SUFU: variants seen among roughly 807,000 people sequenced by gnomAD.
The protein encoded by SUFU is SUFU negative regulator of hedgehog signaling, also known as suppressor of fused homolog.
Under a neutral mutation model 58.9 loss-of-function variants are expected in SUFU, and 7 were observed. The observed-to-expected ratio is 0.12, with a 90% CI of 0.07 to 0.22. The LOEUF is 0.22. Ranked by LOEUF, SUFU falls within the 10% of genes least tolerant of loss-of-function variation. The pLI, the probability that SUFU is intolerant of heterozygous loss-of-function variation, is 1.00. For synonymous variants in SUFU, 232 were observed against 254.8 expected, an observed-to-expected ratio of 0.91 and a Z score of 0.85; for missense variants, 451 against 641.3, an observed-to-expected ratio of 0.70 and a Z score of 3.20.
chr10:102,625,874 C>T lies in SUFU; in HGVS notation c.1297-1301C>T, dbSNP rs190608277. 5.4e-4 allele frequency among the ~76,000 whole-genome samples: 82 copies of T among 152,348 alleles called. No individual in the cohort carries two copies. The highest frequency in any genetic ancestry group is 1.9e-3 in the African/African-American group (78 of 41,580). ...CTCACCTTCCTGTGTGCACTCCTTCCTTGTTATCTCACAGCGTGGAAACTT... is the reference window on the plus strand; with the variant it reads ...CTCACCTTCCTGTGTGCACTCCTTCTTTGTTATCTCACAGCGTGGAAACTT... On this transcript the variant is annotated intron_variant, in intron 10 of 11. Coordinates refer to ENST00000369902, the MANE Select transcript of SUFU (RefSeq NM_016169.4). This position sits in a 1 kb window ranked among gnomAD's most constrained non-coding sequence, Gnocchi z 4.7.
intron 3 of SUFU, among the ~76,000 whole-genome samples, chr10:102,551,430 G>T (rs2135746751): frequency 6.6e-6 from 1 of 152,154 alleles, no homozygotes; most frequent in South Asian, 2.1e-4. Flanking sequence ...CTGAGGTCAG[G>T]AGTTCGAGAC....
intron 2 of SUFU, among the ~76,000 whole-genome samples, chr10:102,539,144 C>G (rs1045533102): frequency 6.6e-6 from 1 of 152,206 alleles, no homozygotes; most frequent in African/African-American, 2.4e-5. Context: ...GGTCACCCTG[C>G]TTCAGTGACT....
intron 2 of SUFU, among the ~76,000 whole-genome samples, chr10:102,512,272 G>A (rs906110209): frequency 6.6e-6 from 1 of 152,204 alleles, no homozygotes; most frequent in African/African-American, 2.4e-5. Context: ...AGATAGAATA[G>A]CAAACAGATG....
At chr10:102,615,862 T>C (rs913942045) in intron 9 of SUFU, among the ~76,000 whole-genome samples, 1 of 152,130 alleles carries the variant, frequency 6.6e-6, no homozygotes, top group Non-Finnish European at 1.5e-5. Flanking sequence ...TGGTCTCCTA[T>C]TGCTTGTTTG....
Position 102,619,161 on chromosome 10 carries a change from A to G in SUFU, c.1296+1733A>G. ...AGCATCTCCAATTTTCAGCAGCTCAAGAACCTTGGCCCCCACAGGACTTCG... is the reference window on the plus strand; with the variant it reads ...AGCATCTCCAATTTTCAGCAGCTCAGGAACCTTGGCCCCCACAGGACTTCG... On this transcript the variant is annotated intron_variant, in intron 10 of 11. Coordinates refer to ENST00000369902, the MANE Select transcript of SUFU (RefSeq NM_016169.4). The surrounding 1 kb of genome is among the most constrained non-coding windows in gnomAD (Gnocchi z 4.2). 1.2e-6 allele frequency: 2 copies of G among 1,611,168 alleles called. 1 individual carries two copies. The highest frequency in any genetic ancestry group is 3.3e-4 in the Middle Eastern group (2 of 6,058).
At chr10:102,561,614 T>C (rs1181821724) in intron 3 of SUFU, among the ~76,000 whole-genome samples, 1 of 151,606 alleles carries the variant, frequency 6.6e-6, no homozygotes, top group Non-Finnish European at 1.5e-5. Flanking sequence ...GCCAGAGAGA[T>C]TGGTTCATAC....
chr10:102,539,229 T>C (rs1314008028), intron 2 of SUFU, among the ~76,000 whole-genome samples: 1 of 152,236 alleles, frequency 6.6e-6, no homozygotes, highest in East Asian at 1.9e-4. Flanking sequence ...TTTCTGTTTT[T>C]CATGACCTTT....
In SUFU at chr10:102,568,954, A is replaced by C. The variant is rs866948544; in HGVS notation, c.454+18848A>C. Among the ~76,000 whole-genome samples, 324 of 104,068 alleles carry C rather than the reference A, an allele frequency of 3.1e-3. 7 individuals are homozygous for C. The highest frequency in any genetic ancestry group is 0.012 in the African/African-American group (313 of 26,404). 68.3% of individuals were successfully genotyped at this position (104,068 alleles called of 152,430 possible). On this transcript the variant is annotated intron_variant, in intron 3 of 11. Transcript: ENST00000369902. ...TATATATATATATATATATATATAT[A>C]TATATATATCTATAGCAGTGCTTGT...
chr10:102,530,447 C>CT lies in SUFU; in HGVS notation c.318-19502dup, dbSNP rs34892390. On this transcript the variant is annotated intron_variant, in intron 2 of 11. Coordinates refer to ENST00000369902, the MANE Select transcript of SUFU (RefSeq NM_016169.4). ...TTTACCTTTGTCCACTATTTTAAAT[C>CT]TTTTTTTTTTTTTTTTTTTTTAATG... 1.6e-3 allele frequency among the ~76,000 whole-genome samples: 186 copies of CT among 113,454 alleles called. 2 individuals carry two copies. The South Asian group carries it at 0.032, about 20-fold the overall frequency. The allele number at this position is 113,454 out of a possible 152,430, so 74.4% of individuals were successfully genotyped here.
At position 102,619,702 on chromosome 10, in the gene SUFU, C is replaced by T. The variant is rs2063723676; in HGVS notation, c.1296+2274C>T. Among the ~76,000 whole-genome samples the T allele has an allele frequency of 6.6e-6, 1 of 152,228 alleles. No homozygotes were observed. Among genetic ancestry groups the T allele is most frequent in the South Asian group, 2.1e-4 (1 of 4,836 alleles). On this transcript the variant is annotated intron_variant, in intron 10 of 11. Transcript: ENST00000369902. This position sits in a 1 kb window ranked among gnomAD's most constrained non-coding sequence, Gnocchi z 4.2. ...TCCTCCCCCTGCCAGGCAGTCAGCA[C>T]TTTCTCCCTCTGACTGCCAGCCAGC... is the stretch of plus-strand genomic sequence containing the variant.
intron 10 of SUFU, among the ~76,000 whole-genome samples, chr10:102,620,639 T>C (rs2063731951): frequency 6.6e-6 from 1 of 152,190 alleles, no homozygotes; most frequent in Admixed American, 6.5e-5. Context: ...GTAAAGCTTA[T>C]CAGCCAATTC....
At chr10:102,530,399 C>A (rs1007789576) in intron 2 of SUFU, among the ~76,000 whole-genome samples, 3 of 151,608 alleles carry the variant, frequency 2.0e-5, no homozygotes, top group Admixed American at 6.6e-5. Flanking sequence ...AGCCCATAAC[C>A]TTGGGCTGGC....
chr10:102,599,341 C>G lies in SUFU; in HGVS notation c.911-92C>G. 3 of 988,216 alleles carry G rather than the reference C, an allele frequency of 3.0e-6. No homozygotes were observed. The South Asian group carries it at 3.8e-5, about 13-fold the overall frequency. The allele number at this position is 988,216 out of a possible 1,614,324, so 61.2% of individuals were successfully genotyped here. ...AGGACTGGCCAGCGTGGTAGTTTTT[C>G]TTAGCACCTCTGCTGAGCCAGGTTT... On this transcript the variant is annotated intron_variant, in intron 7 of 11. Coordinates refer to ENST00000369902, the MANE Select transcript of SUFU (RefSeq NM_016169.4).
rs563512871 is a variant in SUFU, at chr10:102,625,383, G to A, written c.1297-1792G>A. ...AGAACAGAGAGTTTGGTGAGGAGAC[G>A]TGGACCAGTGGTCAGAGTTATTTTG... On this transcript the variant is annotated intron_variant, in intron 10 of 11. Transcript: ENST00000369902. The surrounding 1 kb of genome is among the most constrained non-coding windows in gnomAD (Gnocchi z 4.7). 9.2e-5 allele frequency among the ~76,000 whole-genome samples: 14 copies of A among 152,212 alleles called. No individual in the cohort carries two copies. Among genetic ancestry groups the A allele is most frequent in the African/African-American group, 1.9e-4 (8 of 41,450 alleles).
intron 2 of SUFU, among the ~76,000 whole-genome samples, chr10:102,534,898 C>T (rs915904210): frequency 6.6e-6 from 1 of 152,094 alleles, no homozygotes; most frequent in Non-Finnish European, 1.5e-5. Context: ...GTCCCTATGC[C>T]TGTTGGAGAC....
At chr10:102,592,545 G>T in intron 3 of SUFU, 37 bp from the exon 4 acceptor site, 2 of 1,612,986 alleles carry the variant, frequency 1.2e-6, no homozygotes, top group Non-Finnish European at 8.5e-7. Flanking sequence ...TGGATCTGGG[G>T]CCTTGAACAA....
chr10:102,541,562 C>A (rs2062799817), intron 2 of SUFU, among the ~76,000 whole-genome samples: 1 of 151,824 alleles, frequency 6.6e-6, no homozygotes, highest in Non-Finnish European at 1.5e-5. Flanking sequence ...CCACGCCTGG[C>A]AAATTTTTGT....
In SUFU at chr10:102,629,900, T is replaced by C. The variant is rs1336413417; in HGVS notation, c.1366-166T>C. ...GAAGGGGTCACCAACTCCAGCCGTT[T>C]GAGCCCAGCCTGCCACCTGGGTCTA... On this transcript the variant is annotated intron_variant, in intron 11 of 11. Coordinates refer to ENST00000369902, the MANE Select transcript of SUFU (RefSeq NM_016169.4). The surrounding 1 kb of genome is among the most constrained non-coding windows in gnomAD (Gnocchi z 4.7). Among the ~76,000 whole-genome samples the C allele has an allele frequency of 2.0e-5, 3 of 152,190 alleles. No homozygotes were observed. The highest frequency in any genetic ancestry group is 4.4e-5 in the Non-Finnish European group (3 of 68,022).
rs1352574634 is a variant in SUFU at position 102,619,552 on chromosome 10, C to T, written c.1296+2124C>T. ...CCTGGGAAGGCTGGCGGAGGCCCCA[C>T]ACCCCAAGCACCCACCCTTGATCAC... On this transcript the variant is annotated intron_variant, in intron 10 of 11. Coordinates refer to ENST00000369902, the MANE Select transcript of SUFU (RefSeq NM_016169.4). The surrounding 1 kb of genome is among the most constrained non-coding windows in gnomAD (Gnocchi z 4.2). The T allele has an allele frequency of 1.9e-6, 2 of 1,031,452 alleles. No homozygotes were observed. The highest frequency in any genetic ancestry group is 1.7e-5 in the African/African-American group (1 of 59,974). The allele number at this position is 1,031,452 out of a possible 1,614,324, so 63.9% of individuals were successfully genotyped here.
Sources: gnomAD v4.1 joint callset for allele counts (sites outside exome capture counted in the v4.1 genomes callset) on GRCh38, gnomAD v4.1.1 for gene constraint, Gnocchi (gnomAD v3.1) non-coding constraint, MANE v1.5 for transcripts, NCBI Gene and HGNC (gene_info 2026-07-23, HGNC 2026-07-21) for gene names.